OCA2: variants seen among roughly 807,000 people sequenced by gnomAD.
OCA2 encodes P protein.
OCA2 carries 77 observed loss-of-function variants against 100.2 expected under a neutral mutation model. The ratio of observed to expected loss-of-function variants is 0.77; its 90% CI spans 0.64 to 0.93. The LOEUF is 0.93. Ranked by LOEUF, OCA2 falls within the 40% of genes least tolerant of loss-of-function variation. The probability of loss-of-function intolerance (pLI) is 0.00; values close to 1 mark genes in which losing one functional copy is unlikely to be tolerated. For missense variants in OCA2, 1,062 were observed against 1,089.1 expected (o/e 0.98, Z 0.35); for synonymous variants, 432 against 439.2 (o/e 0.98, Z 0.21).
chr15:27,761,715 G>T (rs1348224663), intron 23 of OCA2, among the ~76,000 whole-genome samples: 1 of 152,122 alleles, frequency 6.6e-6, no homozygotes, highest in East Asian at 1.9e-4. Flanking sequence ...CAACATGAAG[G>T]TCTACTATGT....
chr15:28,052,649 A>G (rs150592633), intron 2 of OCA2, among the ~76,000 whole-genome samples: 1,782 of 152,368 alleles, frequency 0.012, 17 homozygotes, highest in Non-Finnish European at 0.018. Context: ...GAATAGATGC[A>G]AAGCAAATAA....
chr15:28,062,193 T>C (rs1295828031), intron 2 of OCA2, among the ~76,000 whole-genome samples: 1 of 152,248 alleles, frequency 6.6e-6, no homozygotes, highest in Non-Finnish European at 1.5e-5. Context: ...TGGCAATGCA[T>C]GAGAGTTCCA....
At chr15:27,855,028 C>T (rs1327033029) in intron 21 of OCA2, among the ~76,000 whole-genome samples, 9 of 152,240 alleles carry the variant, frequency 5.9e-5, no homozygotes, top group African/African-American at 9.6e-5. Context: ...AAACTGCATA[C>T]TTACAACTGC....
At chr15:28,086,206 G>C (rs1357391166) in intron 1 of OCA2, among the ~76,000 whole-genome samples, 1 of 152,246 alleles carries the variant, frequency 6.6e-6, no homozygotes, top group Non-Finnish European at 1.5e-5. Flanking sequence ...CTCCTTCCTT[G>C]CTGACAGGGT....
intron 9 of OCA2, among the ~76,000 whole-genome samples, chr15:27,992,348 A>C (rs1164361110): frequency 6.6e-6 from 1 of 152,116 alleles, no homozygotes; most frequent in East Asian, 1.9e-4. Context: ...TGATCCACCC[A>C]CCTCGCCTCC....
At chr15:28,012,412 G>A (rs1189807303) in intron 9 of OCA2, among the ~76,000 whole-genome samples, 1 of 152,156 alleles carries the variant, frequency 6.6e-6, no homozygotes, top group African/African-American at 2.4e-5. Flanking sequence ...GGGAGGTCTT[G>A]GGCTGCCACA....
intron 9 of OCA2, among the ~76,000 whole-genome samples, chr15:28,012,641 G>A (rs2042276536): frequency 6.6e-6 from 1 of 152,084 alleles, no homozygotes; most frequent in South Asian, 2.1e-4. Flanking sequence ...TTGTAGAGAA[G>A]GAGAGGTTTT....
chr15:27,729,017 A>C, the OCA2 span, among the ~76,000 whole-genome samples: 3 of 152,144 alleles, frequency 2.0e-5, no homozygotes, highest in Non-Finnish European at 1.5e-5. Flanking sequence ...GCCAGACTGC[A>C]CTTTCAACGC....
At chr15:27,839,284 G>C (rs1291733463) in intron 23 of OCA2, among the ~76,000 whole-genome samples, 1 of 151,992 alleles carries the variant, frequency 6.6e-6, no homozygotes, top group East Asian at 1.9e-4. Context: ...TAGAAAATAA[G>C]AGAGCAAAAA....
At chr15:28,041,680 A>G (rs143991030) in intron 2 of OCA2, among the ~76,000 whole-genome samples, 189 of 152,396 alleles carry the variant, frequency 1.2e-3, no homozygotes, top group African/African-American at 4.3e-3. Context: ...TAACTGAAGG[A>G]TACAAAATCA....
intron 23 of OCA2, among the ~76,000 whole-genome samples, chr15:27,820,584 G>C (rs1396009297): frequency 6.6e-6 from 1 of 152,198 alleles, no homozygotes; most frequent in Non-Finnish European, 1.5e-5. Flanking sequence ...GCTAAGAAGG[G>C]ACTTGGGAGA....
At chr15:28,057,768 C>T (rs968334968) in intron 2 of OCA2, among the ~76,000 whole-genome samples, 1 of 152,188 alleles carries the variant, frequency 6.6e-6, no homozygotes, top group Non-Finnish European at 1.5e-5. Flanking sequence ...GGTAAGCAGC[C>T]GCTGCTGCAG....
At chr15:27,785,608 T>C (rs1389450108) in intron 23 of OCA2, among the ~76,000 whole-genome samples, 2 of 152,206 alleles carry the variant, frequency 1.3e-5, no homozygotes, top group African/African-American at 4.8e-5. Context: ...TTGAAGATGA[T>C]GTGGGAAAAT....
intron 23 of OCA2, among the ~76,000 whole-genome samples, chr15:27,799,521 G>A (rs2033496250): frequency 6.6e-6 from 1 of 152,160 alleles, no homozygotes; most frequent in South Asian, 2.1e-4. Flanking sequence ...AAGGCAAGTG[G>A]ATAACCTGAG....
At chr15:27,850,582 G>C (rs750369030) in intron 22 of OCA2, among the ~76,000 whole-genome samples, 3 of 152,078 alleles carry the variant, frequency 2.0e-5, no homozygotes, top group Non-Finnish European at 4.4e-5. Flanking sequence ...TGAATTAGCT[G>C]GCTGCTGACA....
chr15:27,995,844 G>A (rs4778223), intron 9 of OCA2, among the ~76,000 whole-genome samples: 85,905 of 145,176 alleles, frequency 0.59, 29,940 homozygotes, highest in Non-Finnish European at 0.79. Context: ...ATGGAGTCTC[G>A]CTCTGTCACC....
At position 28,027,870 on chromosome 15, in the gene OCA2, C is replaced by T. The variant is rs774784508; in HGVS notation, c.515+1G>A. The T allele has an allele frequency of 6.2e-7, 1 of 1,612,648 alleles. No homozygotes were observed. The highest frequency in any genetic ancestry group is 8.5e-7 in the Non-Finnish European group (1 of 1,180,018). The stretch of plus-strand genomic sequence containing the variant: ...AGGGTGGGCACCCCAAGTCCGCCTA[C>T]CTCAGCTTGGAAAGACGGAGTCGGA... On this transcript the variant is annotated splice_donor_variant, in intron 4 of 23. Coordinates refer to ENST00000354638, the MANE Select transcript of OCA2 (RefSeq NM_000275.3). LOFTEE classifies it high-confidence loss of function.
intron 15 of OCA2, among the ~76,000 whole-genome samples, chr15:27,965,578 G>A (rs561742272): frequency 3.3e-5 from 5 of 152,330 alleles, no homozygotes; most frequent in Non-Finnish European, 1.5e-5. Flanking sequence ...AGCCACCCAT[G>A]TGGAAATGGA....
At chr15:27,958,650 C>A (rs1374674000) in intron 15 of OCA2, among the ~76,000 whole-genome samples, 4 of 152,194 alleles carry the variant, frequency 2.6e-5, no homozygotes, top group African/African-American at 4.8e-5. Context: ...TGTGTCAATT[C>A]ATTGCCTCTT....
Sources: gnomAD v4.1 joint callset for allele counts (sites outside exome capture counted in the v4.1 genomes callset) on GRCh38, gnomAD v4.1.1 for gene constraint, MANE v1.5 for transcripts, NCBI Gene and HGNC (gene_info 2026-07-23, HGNC 2026-07-21) for gene names.